Variants in PTPRT observed in about 807,000 individuals in gnomAD.
PTPRT encodes receptor-type tyrosine-protein phosphatase T.
In PTPRT, 56 loss-of-function variants were observed where a neutral mutation model predicts 176.8. That is an observed-to-expected ratio of 0.32 (90% CI 0.26 to 0.40). The LOEUF is 0.40. Ranked by LOEUF, PTPRT falls within the 10% of genes least tolerant of loss-of-function variation. The probability of loss-of-function intolerance (pLI) is 1.00; values close to 1 mark genes in which losing one functional copy is unlikely to be tolerated. For missense variants in PTPRT, 1,540 were observed against 1,908.2 expected, an observed-to-expected ratio of 0.81 and a Z score of 3.60; for synonymous variants, 783 against 739.0, an observed-to-expected ratio of 1.06 and a Z score of -0.96.
chr20:43,063,409 T>C (rs1600684906), intron 1 of PTPRT: 1 of 152,596 alleles, frequency 6.6e-6, no homozygotes, highest in Non-Finnish European at 1.5e-5. Flanking sequence ...GCTAGGTGGG[T>C]GTCCCCTTCC....
intron 12 of PTPRT, among the ~76,000 whole-genome samples, chr20:42,303,037 G>T (rs535782562): frequency 6.6e-6 from 1 of 152,316 alleles, no homozygotes; most frequent in South Asian, 2.1e-4. Flanking sequence ...TAATTGAGAA[G>T]TTGGAAATGT....
intron 1 of PTPRT, among the ~76,000 whole-genome samples, chr20:43,127,206 A>G (rs575612788): frequency 3.1e-4 from 47 of 152,080 alleles, no homozygotes; most frequent in East Asian, 1.7e-3. Context: ...GGCGGATCAC[A>G]AGGTCAGGAG....
intron 12 of PTPRT, among the ~76,000 whole-genome samples, chr20:42,284,315 T>A (rs560159385): frequency 1.3e-5 from 2 of 152,058 alleles, no homozygotes; most frequent in African/African-American, 4.8e-5. Flanking sequence ...AAAGTATTGG[T>A]TAGAAGCCTG....
At chr20:42,502,444 ACAC>A (rs1194777262) in intron 7 of PTPRT, among the ~76,000 whole-genome samples, 1 of 145,772 alleles carries the variant, frequency 6.9e-6, no homozygotes. Context: ...ACACACACAC[ACAC>A]ATCTCAAATG....
At chr20:42,039,851 G>T in the PTPRT span, among the ~76,000 whole-genome samples, 1 of 151,660 alleles carries the variant, frequency 6.6e-6, no homozygotes, top group Non-Finnish European at 1.5e-5. Context: ...GATGGACACA[G>T]TTTGATTTCA....
intron 6 of PTPRT, among the ~76,000 whole-genome samples, chr20:42,736,727 C>A (rs529382775): frequency 6.6e-6 from 1 of 152,260 alleles, no homozygotes; most frequent in Non-Finnish European, 1.5e-5. Flanking sequence ...ACAATTTATG[C>A]CCTTCTGTGG....
intron 1 of PTPRT, among the ~76,000 whole-genome samples, chr20:42,907,261 C>A (rs1176452917): frequency 2.6e-5 from 4 of 152,044 alleles, no homozygotes; most frequent in Non-Finnish European, 2.9e-5. Context: ...CTTTGTGAAA[C>A]AAGAAGAGAA....
intron 9 of PTPRT, among the ~76,000 whole-genome samples, chr20:42,389,221 C>T (rs1182432299): frequency 2.0e-5 from 3 of 151,544 alleles, no homozygotes; most frequent in East Asian, 3.9e-4. Context: ...CACGTGTATA[C>T]ATATGTAACT....
chr20:42,450,295 C>T lies in PTPRT; in HGVS notation c.1451-1966G>A, dbSNP rs192061642. Among the ~76,000 whole-genome samples the T allele has an allele frequency of 9.2e-5, 14 of 152,306 alleles. No homozygotes were observed. In the East Asian group the frequency reaches 2.5e-3, roughly 27 times the overall value. ...TAAATGAACTATTTTATTTTTAAGG[C>T]TTTTGACATATATTACCAGATTGCC... On this transcript the variant is annotated intron_variant, in intron 8 of 30. Coordinates refer to ENST00000373187, the MANE Select transcript of PTPRT (RefSeq NM_007050.6).
chr20:42,818,747 G>A (rs1008928254), intron 2 of PTPRT, among the ~76,000 whole-genome samples: 2 of 152,146 alleles, frequency 1.3e-5, no homozygotes, highest in African/African-American at 2.4e-5. Context: ...AGAACTTTGT[G>A]AAGCATACAC....
intron 15 of PTPRT, among the ~76,000 whole-genome samples, chr20:42,215,062 G>A (rs2055736348): frequency 2.0e-5 from 3 of 152,188 alleles, no homozygotes; most frequent in Admixed American, 2.0e-4. Context: ...TACCAAATAA[G>A]CTCTACATAA....
At chr20:42,529,675 A>G (rs1469728892) in intron 7 of PTPRT, among the ~76,000 whole-genome samples, 1 of 151,742 alleles carries the variant, frequency 6.6e-6, no homozygotes, top group Non-Finnish European at 1.5e-5. Context: ...TTTAGTAGAG[A>G]TGAGGTTTTT....
At chr20:43,176,403 T>C (rs1202576937) in intron 1 of PTPRT, among the ~76,000 whole-genome samples, 1 of 152,234 alleles carries the variant, frequency 6.6e-6, no homozygotes, top group East Asian at 1.9e-4. Context: ...ACATCACTTT[T>C]TAAAGGAATA....
At chr20:42,149,643 C>T (rs374462769) in intron 17 of PTPRT, among the ~76,000 whole-genome samples, 2 of 152,044 alleles carry the variant, frequency 1.3e-5, no homozygotes, top group Admixed American at 6.5e-5. Flanking sequence ...AAGCTGGTCT[C>T]GAACTCCTGA....
chr20:42,470,618 C>T (rs1436605530), intron 8 of PTPRT, among the ~76,000 whole-genome samples: 1 of 152,070 alleles, frequency 6.6e-6, no homozygotes, highest in East Asian at 1.9e-4. Context: ...AGCCCTGGAA[C>T]TGGCGAATTC....
At position 42,595,430 on chromosome 20, in the gene PTPRT, T is replaced by A. The variant is rs150779413; in HGVS notation, c.1153+82436A>T. Among the ~76,000 whole-genome samples, 973 of 152,178 alleles carry A rather than the reference T, an allele frequency of 6.4e-3. 13 individuals carry two copies. Among genetic ancestry groups the A allele is most frequent in the African/African-American group, 0.023 (942 of 41,528 alleles). On this transcript the variant is annotated intron_variant, in intron 7 of 30. Coordinates refer to ENST00000373187, the MANE Select transcript of PTPRT (RefSeq NM_007050.6). ...TGTGACAAGCAGAAATGGGTCCAGA[T>A]ACGGTCAAATGTCCTCTGGTGAGAG... is the stretch of plus-strand genomic sequence containing the variant.
chr20:42,639,362 C>G (rs934145656), intron 7 of PTPRT, among the ~76,000 whole-genome samples: 1 of 152,088 alleles, frequency 6.6e-6, no homozygotes, highest in African/African-American at 2.4e-5. Context: ...CTGTTTTCCT[C>G]GTGGTAAAGT....
At position 42,450,050 on chromosome 20, in the gene PTPRT, G is replaced by A. The variant is rs181870502; in HGVS notation, c.1451-1721C>T. Among the ~76,000 whole-genome samples, 63 of 152,178 alleles carry A rather than the reference G, an allele frequency of 4.1e-4. No homozygotes were observed. The East Asian group carries it at 0.012, about 28-fold the overall frequency. On this transcript the variant is annotated intron_variant, in intron 8 of 30. Coordinates refer to ENST00000373187, the MANE Select transcript of PTPRT (RefSeq NM_007050.6). ...CTAAAGAAATTGCAGGCTTCTCTGG[G>A]GCCATACATTTCTCTGGGGCCATGC...
chr20:42,787,180 C>G (rs2077303918), intron 3 of PTPRT, among the ~76,000 whole-genome samples: 1 of 152,134 alleles, frequency 6.6e-6, no homozygotes, highest in South Asian at 2.1e-4. Context: ...TAAACCTAAG[C>G]CACATGTGCC....
Sources: gnomAD v4.1 joint callset for allele counts (sites outside exome capture counted in the v4.1 genomes callset) on GRCh38, gnomAD v4.1.1 for gene constraint, MANE v1.5 for transcripts, NCBI Gene and HGNC (gene_info 2026-07-23, HGNC 2026-07-21) for gene names.